SLC25A48: variants seen among roughly 807,000 people sequenced by gnomAD.
The protein encoded by SLC25A48 is solute carrier family 25 member 48.
SLC25A48 carries 29 observed loss-of-function variants against 32.2 expected under a neutral mutation model. That is an observed-to-expected ratio of 0.90 (90% CI 0.67 to 1.23). The LOEUF (loss-of-function observed/expected upper bound fraction) is 1.23. Among genes scored for constraint, SLC25A48 ranks in the 50% most tolerant of loss-of-function variants. SLC25A48 has a pLI of 0.00. For synonymous variants in SLC25A48, 164 were observed against 172.3 expected, an observed-to-expected ratio of 0.95 and a Z score of 0.38; for missense variants, 399 against 422.7, an observed-to-expected ratio of 0.94 and a Z score of 0.49.
chr5:135,833,328 A>G (rs546758717), upstream of SLC25A48, among the ~76,000 whole-genome samples: 24 of 152,352 alleles, frequency 1.6e-4, no homozygotes, highest in African/African-American at 5.3e-4. Flanking sequence ...TGGTGCTGAC[A>G]CAGGACTGAG....
chr5:135,795,895 C>T (rs775891859), intron 3 of SLC25A48, among the ~76,000 whole-genome samples: 2 of 88,886 alleles, frequency 2.3e-5, no homozygotes, highest in African/African-American at 4.6e-5. Context: ...ATATCCGTGG[C>T]GGGGGTGGGG....
chr5:135,584,590 A>G (rs1484789454), intron 1 of SLC25A48, among the ~76,000 whole-genome samples: 1 of 152,236 alleles, frequency 6.6e-6, no homozygotes, highest in Non-Finnish European at 1.5e-5. Context: ...TATTTATAGT[A>G]TGGTATCCAG....
chr5:135,660,924 G>GTT (rs1238262827), intron 3 of SLC25A48, among the ~76,000 whole-genome samples: 1 of 152,188 alleles, frequency 6.6e-6, no homozygotes, highest in African/African-American at 2.4e-5. Flanking sequence ...GTAATTGTTG[G>GTT]TTATGTTTTC....
Position 135,888,444 on chromosome 5 carries a change from T to C in SLC25A48, c.*420T>C. The C allele has an allele frequency of 9.1e-6, 2 of 219,944 alleles. No individual in the cohort carries two copies. Among genetic ancestry groups the C allele is most frequent in the South Asian group, 2.1e-4 (2 of 9,344 alleles). 13.6% of individuals were successfully genotyped at this position (219,944 alleles called of 1,614,324 possible). A position where few individuals can be genotyped will look rare whatever the true frequency, so the allele number is the denominator to read the frequency against. ...AAGTAACACGTCCCCGTGCCTCCAGTCTCCTCTCAGCACCGACCAGGTTTT... is the reference window on the plus strand; with the variant it reads ...AAGTAACACGTCCCCGTGCCTCCAGCCTCCTCTCAGCACCGACCAGGTTTT... On this transcript the variant is annotated 3_prime_UTR_variant, in exon 8 of 8. Coordinates refer to ENST00000681962, the MANE Select transcript of SLC25A48 (RefSeq NM_001349336.2).
At chr5:135,724,812 G>C (rs1189011178) in intron 3 of SLC25A48, among the ~76,000 whole-genome samples, 2 of 152,252 alleles carry the variant, frequency 1.3e-5, no homozygotes, top group Admixed American at 1.3e-4. Flanking sequence ...CCTTGGAACA[G>C]GCTGGTGCCA....
At chr5:135,762,072 TTTCTGTAGAAATGTGCTG>T (rs1449564276) in intron 3 of SLC25A48, among the ~76,000 whole-genome samples, 1 of 152,180 alleles carries the variant, frequency 6.6e-6, no homozygotes, top group Non-Finnish European at 1.5e-5. Flanking sequence ...CCGACAGAAG[TTTCTGTAGAAATGTGCTG>T]TTCTGTAGAA....
chr5:135,737,380 G>A lies in SLC25A48; in HGVS notation c.-520-75143G>A, dbSNP rs185332516. Among the ~76,000 whole-genome samples, 796 of 152,224 alleles carry A rather than the reference G, an allele frequency of 5.2e-3. 3 individuals are homozygous for A. The highest frequency in any genetic ancestry group is 5.8e-3 in the Non-Finnish European group (393 of 68,002). ...GTGTCATCAGTTAAGGCAGGAACAGGCCATTTTCACTTCTTTTGTGATTCT... is the reference window on the plus strand; with the variant it reads ...GTGTCATCAGTTAAGGCAGGAACAGACCATTTTCACTTCTTTTGTGATTCT... On this transcript the variant is annotated intron_variant, in intron 3 of 10. Coordinates refer to the SLC25A48 transcript ENST00000646290.
In SLC25A48 at chr5:135,629,282, G is replaced by A. The variant is rs974793449; in HGVS notation, c.-803G>A. ...AAGGAGGAAAAAAACCCTGCTGGAC[G>A]TTGGATGTACAGCCAAACACCTGGG... On this transcript the variant is annotated 5_prime_UTR_variant, in exon 2 of 11. Coordinates refer to the SLC25A48 transcript ENST00000646290. The surrounding 1 kb of genome is among the most constrained non-coding windows in gnomAD (Gnocchi z 4.8). 2.0e-5 allele frequency: 3 copies of A among 152,172 alleles called. No homozygotes were observed. The highest frequency in any genetic ancestry group is 6.5e-5 in the Admixed American group (1 of 15,282). 9.4% of individuals were successfully genotyped at this position (152,172 alleles called of 1,614,324 possible).
intron 3 of SLC25A48, among the ~76,000 whole-genome samples, chr5:135,737,735 T>C (rs73789111): frequency 0.01 from 1,529 of 152,274 alleles, 34 homozygotes; most frequent in African/African-American, 0.035. Context: ...GTATTCATCT[T>C]GAAAGCTGCA....
chr5:135,600,848 ATTT>A (rs34345064), intron 1 of SLC25A48, among the ~76,000 whole-genome samples: 2 of 132,870 alleles, frequency 1.5e-5, no homozygotes, highest in Admixed American at 7.6e-5. Flanking sequence ...ATGCCCGGGT[ATTT>A]TTTTTTTTTT....
At chr5:135,805,691 A>C (rs539765254) in intron 3 of SLC25A48, among the ~76,000 whole-genome samples, 1 of 151,538 alleles carries the variant, frequency 6.6e-6, no homozygotes, top group East Asian at 1.9e-4. Flanking sequence ...TAATATCTTA[A>C]GGGGATATTA....
At chr5:135,630,994 C>A (rs908891324) in intron 2 of SLC25A48, among the ~76,000 whole-genome samples, 9 of 152,144 alleles carry the variant, frequency 5.9e-5, no homozygotes, top group Non-Finnish European at 1.3e-4. Context: ...AGCATCATCT[C>A]TACACTGTTG....
intron 2 of SLC25A48, among the ~76,000 whole-genome samples, chr5:135,630,235 C>T (rs1322065441): frequency 6.6e-6 from 1 of 152,196 alleles, no homozygotes; most frequent in African/African-American, 2.4e-5. Flanking sequence ...CCCTTAGACA[C>T]ATGGGCTTGG....
At chr5:135,814,386 C>T (rs115937963) in intron 4 of SLC25A48, among the ~76,000 whole-genome samples, 355 of 152,304 alleles carry the variant, frequency 2.3e-3, no homozygotes, top group African/African-American at 4.9e-3. Flanking sequence ...TCCAACTGCA[C>T]GCAGCAGTGA....
intron 3 of SLC25A48, among the ~76,000 whole-genome samples, chr5:135,701,936 C>A (rs1754405224): frequency 2.0e-5 from 3 of 152,250 alleles, no homozygotes; most frequent in African/African-American, 7.2e-5. Flanking sequence ...TGTGCCCAGG[C>A]ACTGGGCTCC....
intron 3 of SLC25A48, among the ~76,000 whole-genome samples, chr5:135,764,548 G>T (rs1380996072): frequency 2.6e-5 from 4 of 151,470 alleles, no homozygotes; most frequent in Admixed American, 6.6e-5. Context: ...GATATTGTTC[G>T]TAATATCCAG....
At chr5:135,662,824 T>C (rs1352456918) in intron 3 of SLC25A48, among the ~76,000 whole-genome samples, 1 of 152,156 alleles carries the variant, frequency 6.6e-6, no homozygotes, top group Admixed American at 6.5e-5. Context: ...TCTCTCAGTG[T>C]CCTCCAATTC....
chr5:135,828,873 C>T (rs1374849362), intron 4 of SLC25A48, among the ~76,000 whole-genome samples: 1 of 152,222 alleles, frequency 6.6e-6, no homozygotes, highest in Admixed American at 6.5e-5. Flanking sequence ...CTCTTCCCGA[C>T]TCCCCTTGCA....
At chr5:135,710,177 G>A (rs557988612) in intron 3 of SLC25A48, among the ~76,000 whole-genome samples, 7 of 152,334 alleles carry the variant, frequency 4.6e-5, no homozygotes, top group South Asian at 2.1e-4. Flanking sequence ...AGAGGGCTGC[G>A]AGCAGAGAGT....
Sources: gnomAD v4.1 joint callset for allele counts (sites outside exome capture counted in the v4.1 genomes callset) on GRCh38, gnomAD v4.1.1 for gene constraint, Gnocchi (gnomAD v3.1) non-coding constraint, MANE v1.5 for transcripts, NCBI Gene and HGNC (gene_info 2026-07-23, HGNC 2026-07-21) for gene names.